The following SULT4A1 variants were observed in gnomAD, a reference collection of about 807,000 sequenced individuals.
SULT4A1 encodes the protein sulfotransferase 4A1.
A neutral mutation model predicts 35.2 loss-of-function variants in SULT4A1; 11 were observed. The observed-to-expected ratio is 0.31, with a 90% CI of 0.20 to 0.52. SULT4A1 has a LOEUF of 0.52. Ranked by LOEUF, SULT4A1 falls within the 20% of genes least tolerant of loss-of-function variation. SULT4A1 has a pLI of 0.97. For missense variants in SULT4A1, 271 were observed against 383.7 expected, an observed-to-expected ratio of 0.71 and a Z score of 2.45; for synonymous variants, 152 against 151.8, an observed-to-expected ratio of 1.00 and a Z score of -0.01.
At chr22:43,856,163 G>A (rs2049399301) in intron 1 of SULT4A1, among the ~76,000 whole-genome samples, 1 of 152,114 alleles carries the variant, frequency 6.6e-6, no homozygotes, top group Admixed American at 6.5e-5. Flanking sequence ...CATGGCTGTA[G>A]GAAAAGAAAA....
At chr22:43,841,652 C>T (rs1375862121) in intron 2 of SULT4A1, 150 bp downstream of exon 2, 9 of 1,274,018 alleles carry the variant, frequency 7.1e-6, no homozygotes, top group Non-Finnish European at 9.7e-6. Flanking sequence ...TCACTGCCAG[C>T]TCAGGCCTGC....
Position 43,837,721 on chromosome 22 carries a change from C to T in SULT4A1, c.508+1146G>A, listed in dbSNP as rs528170946. On this transcript the variant is annotated intron_variant, in intron 4 of 6. Transcript: ENST00000330884. ...TGCAAGCAACAGAGTCAGCCTGTGG[C>T]GCCCTGCACCGCCCCGCCAAGAGGT... Among the ~76,000 whole-genome samples the T allele has an allele frequency of 7.2e-5, 11 of 152,272 alleles. No homozygotes were observed. The East Asian group carries it at 9.7e-4, about 13-fold the overall frequency.
In SULT4A1 at chr22:43,860,620, T is replaced by C. The variant is rs140264454; in HGVS notation, c.169+1594A>G. Among the ~76,000 whole-genome samples, 153 of 152,210 alleles carry C rather than the reference T, an allele frequency of 1.0e-3. 1 individual carries two copies. Among genetic ancestry groups the C allele is most frequent in the African/African-American group, 3.5e-3 (144 of 41,516 alleles). ...TCCAACTCCGAAGCCAGGTTCTTAA[T>C]GTGTAAGCACTGATGCCTGCTACAA... On this transcript the variant is annotated intron_variant, in intron 1 of 6. Transcript: ENST00000330884.
chr22:43,852,239 C>A (rs958224979), intron 1 of SULT4A1, among the ~76,000 whole-genome samples: 4 of 152,088 alleles, frequency 2.6e-5, no homozygotes, highest in Admixed American at 6.5e-5. Flanking sequence ...CTGAACATGG[C>A]TCACTGCAGC....
intron 6 of SULT4A1, chr22:43,826,932 C>T: frequency 1.0e-6 from 1 of 985,468 alleles, no homozygotes; most frequent in South Asian, 4.7e-5. Context: ...GTGGGATAAA[C>T]TGCAGGCACC....
At chr22:43,852,250 C>T (rs947806578) in intron 1 of SULT4A1, among the ~76,000 whole-genome samples, 6 of 152,132 alleles carry the variant, frequency 3.9e-5, no homozygotes, top group Non-Finnish European at 8.8e-5. Context: ...TCACTGCAGC[C>T]TCACCCTCCT....
At chr22:43,848,262 C>A (rs183855625) in intron 1 of SULT4A1, among the ~76,000 whole-genome samples, 47 of 152,304 alleles carry the variant, frequency 3.1e-4, no homozygotes, top group Admixed American at 1.4e-3. Flanking sequence ...CGCAGAAGGG[C>A]CACAAAGTGA....
At chr22:43,827,006 T>C (rs2063291771) in intron 6 of SULT4A1, 7 of 985,354 alleles carry the variant, frequency 7.1e-6, no homozygotes, top group Non-Finnish European at 8.4e-6. Context: ...CAAGAGAAGT[T>C]GTTGCTCCCA....
chr22:43,846,222 C>T (rs56062509), intron 1 of SULT4A1, among the ~76,000 whole-genome samples: 14,834 of 152,292 alleles, frequency 0.097, 788 homozygotes, highest in Admixed American at 0.11. Context: ...CACTCCCTGA[C>T]TCCTCCCTGC....
intron 1 of SULT4A1, among the ~76,000 whole-genome samples, chr22:43,850,719 G>A (rs898719293): frequency 5.3e-5 from 8 of 152,140 alleles, no homozygotes; most frequent in East Asian, 1.9e-4. Context: ...GCAGGTGCCC[G>A]GGCTGCTTCC....
intron 4 of SULT4A1, 80 bp downstream of exon 4, chr22:43,838,787 G>C: frequency 6.3e-7 from 1 of 1,587,064 alleles, no homozygotes; most frequent in Non-Finnish European, 8.6e-7. Flanking sequence ...ACCGTGTCGG[G>C]GAAGCACCCA....
intron 4 of SULT4A1, 69 bp from the exon 5 acceptor site, chr22:43,833,803 A>G: frequency 7.5e-7 from 1 of 1,335,116 alleles, no homozygotes; most frequent in South Asian, 1.3e-5. Flanking sequence ...GGCCATCCCC[A>G]CCCCACAGGG....
At chr22:43,836,896 G>A (rs1285671831) in intron 4 of SULT4A1, among the ~76,000 whole-genome samples, 4 of 152,124 alleles carry the variant, frequency 2.6e-5, no homozygotes, top group South Asian at 2.1e-4. Context: ...TCTACACAGC[G>A]TCCGCACACT....
chr22:43,846,376 T>A (rs907207758), intron 1 of SULT4A1, among the ~76,000 whole-genome samples: 2 of 152,256 alleles, frequency 1.3e-5, no homozygotes, highest in Non-Finnish European at 2.9e-5. Context: ...CTCTCTCCTC[T>A]TTCCACCTTA....
intron 5 of SULT4A1, among the ~76,000 whole-genome samples, chr22:43,830,886 A>G (rs1416859516): frequency 6.6e-6 from 1 of 152,226 alleles, no homozygotes; most frequent in East Asian, 1.9e-4. Context: ...ACTCGGGGCT[A>G]GTTTTCTGGA....
chr22:43,846,117 C>T (rs1036343197), intron 1 of SULT4A1, among the ~76,000 whole-genome samples: 3 of 152,200 alleles, frequency 2.0e-5, no homozygotes, highest in Non-Finnish European at 4.4e-5. Flanking sequence ...TCCACTCCCT[C>T]ACCACCTGGC....
chr22:43,841,855 C>T lies in SULT4A1; in HGVS notation c.247G>A (p.Asp83Asn), dbSNP rs774324106. 7 of 1,613,866 alleles carry T rather than the reference C, an allele frequency of 4.3e-6. No individual in the cohort carries two copies. The highest frequency in any genetic ancestry group is 2.7e-5 in the African/African-American group (2 of 74,926). Residue 83 changes from aspartate to asparagine, a missense_variant, in exon 2 of 7, where the codon GAC (aspartate) becomes AAC (asparagine). This residue lies in a region of SULT4A1 where 164 missense variants were observed against 254.1 expected (regional missense o/e 0.65). Transcript: ENST00000330884. ...DPDEIGLMNI[D>N]EQLPVLEYPQ... ...TACTCCAGGACCGGGAGCTGCTCGT[C>T]GATGTTCATCAAGCCGATCTCATCG...
intron 1 of SULT4A1, among the ~76,000 whole-genome samples, chr22:43,854,301 C>T (rs868138200): frequency 2.0e-5 from 3 of 152,182 alleles, no homozygotes; most frequent in African/African-American, 7.2e-5. Flanking sequence ...CTTCCACTGT[C>T]GCCAAGAGAA....
Position 43,825,860 on chromosome 22 carries a change from G to T in SULT4A1, c.*141C>A. ...GGTTGGGAATCATCACACTCCCTCC[G>T]CTCACGCCGCTCTTCCCTTCCCCCG... is the stretch of plus-strand genomic sequence containing the variant. On this transcript the variant is annotated 3_prime_UTR_variant, in exon 7 of 7. Transcript: ENST00000330884. 1 of 789,054 alleles carries T rather than the reference G, an allele frequency of 1.3e-6. No homozygotes were observed. Among genetic ancestry groups the T allele is most frequent in the Non-Finnish European group, 2.0e-6 (1 of 493,310 alleles). The allele number at this position is 789,054 out of a possible 1,614,324, so 48.9% of individuals were successfully genotyped here.
Sources: gnomAD v4.1 joint callset for allele counts (sites outside exome capture counted in the v4.1 genomes callset) on GRCh38, gnomAD v4.1.1 for gene constraint, gnomAD v4.1.1 regional missense constraint, MANE v1.5 for transcripts, NCBI Gene and HGNC (gene_info 2026-07-23, HGNC 2026-07-21) for gene names.